Variants in SOX6 observed in about 807,000 individuals in gnomAD.
SOX6 encodes SRY-box transcription factor 6.
A neutral mutation model predicts 97.8 loss-of-function variants in SOX6; 11 were observed. That is an observed-to-expected ratio of 0.11 (90% confidence interval 0.07 to 0.19). The LOEUF (loss-of-function observed/expected upper bound fraction) is 0.19. Ranked by LOEUF, SOX6 falls within the 10% of genes least tolerant of loss-of-function variation. The probability of loss-of-function intolerance (pLI) is 1.00; values close to 1 mark genes in which losing one functional copy is unlikely to be tolerated. For missense variants in SOX6, 810 were observed against 1,039.5 expected (o/e 0.78, Z 3.04); for synonymous variants, 360 against 371.4 (o/e 0.97, Z 0.35).
intron 3 of SOX6, among the ~76,000 whole-genome samples, chr11:16,310,269 C>T (rs1855560361): frequency 6.6e-6 from 1 of 151,776 alleles, no homozygotes; most frequent in Non-Finnish European, 1.5e-5. Context: ...AGAATTCTGG[C>T]TCATTTTAAG....
chr11:16,630,839 CCTTT>C (rs1250798949), intron 3 of SOX6, among the ~76,000 whole-genome samples: 3 of 152,026 alleles, frequency 2.0e-5, no homozygotes, highest in Non-Finnish European at 2.9e-5. Context: ...TTATATAATG[CCTTT>C]CTTTGTCTTT....
chr11:16,533,305 G>A (rs1198110618), intron 4 of SOX6, among the ~76,000 whole-genome samples: 2 of 151,564 alleles, frequency 1.3e-5, no homozygotes, highest in Non-Finnish European at 3.0e-5. Flanking sequence ...TATGAAGCTG[G>A]GTAAGATGAT....
At chr11:16,600,616 C>T (rs1848257243) in intron 4 of SOX6, among the ~76,000 whole-genome samples, 1 of 152,130 alleles carries the variant, frequency 6.6e-6, no homozygotes, top group Admixed American at 6.5e-5. Flanking sequence ...TCTATCCAAA[C>T]TATTACAATG....
chr11:16,056,405 T>A (rs1847816110), intron 9 of SOX6, among the ~76,000 whole-genome samples: 1 of 152,180 alleles, frequency 6.6e-6, no homozygotes, highest in Admixed American at 6.6e-5. Flanking sequence ...TAATGAGTGC[T>A]GTTCCCAAGG....
chr11:16,211,727 T>C (rs2134143002), intron 4 of SOX6, among the ~76,000 whole-genome samples: 1 of 152,292 alleles, frequency 6.6e-6, no homozygotes, highest in East Asian at 1.9e-4. Flanking sequence ...TTCTCCACAG[T>C]GTCTCACATT....
intron 4 of SOX6, among the ~76,000 whole-genome samples, chr11:16,557,027 C>T (rs553977340): frequency 6.6e-6 from 1 of 151,740 alleles, no homozygotes; most frequent in Admixed American, 6.6e-5. Flanking sequence ...AAGCCCAAGA[C>T]TTCTGATGGT....
At chr11:16,701,698 T>C (rs575247572) in intron 3 of SOX6, among the ~76,000 whole-genome samples, 1 of 145,280 alleles carries the variant, frequency 6.9e-6, no homozygotes, top group African/African-American at 2.5e-5. Flanking sequence ...CCACTAAAAA[T>C]ACAAAAAATT....
chr11:16,536,498 G>A (rs925753084), intron 4 of SOX6, among the ~76,000 whole-genome samples: 2 of 152,170 alleles, frequency 1.3e-5, no homozygotes, highest in Non-Finnish European at 2.9e-5. Flanking sequence ...GAAGGGCGGG[G>A]CATCGCCTCA....
chr11:16,347,420 A>C (rs1010545744), intron 1 of SOX6, among the ~76,000 whole-genome samples: 3 of 152,134 alleles, frequency 2.0e-5, no homozygotes, highest in Non-Finnish European at 2.9e-5. Flanking sequence ...AAAACCTAAC[A>C]ATGGCTACTA....
At chr11:16,723,711 G>C (rs1564877986) in intron 2 of SOX6, among the ~76,000 whole-genome samples, 1 of 152,058 alleles carries the variant, frequency 6.6e-6, no homozygotes. Flanking sequence ...TTGAACCTGG[G>C]AGGCAGAAGT....
chr11:16,639,529 G>C (rs1848857542), intron 3 of SOX6, among the ~76,000 whole-genome samples: 1 of 152,152 alleles, frequency 6.6e-6, no homozygotes, highest in African/African-American at 2.4e-5. Flanking sequence ...TCACGATATT[G>C]ATTCTTCCTA....
chr11:16,342,362 G>A (rs1856664634), intron 1 of SOX6, among the ~76,000 whole-genome samples: 1 of 151,834 alleles, frequency 6.6e-6, no homozygotes, highest in Non-Finnish European at 1.5e-5. Flanking sequence ...CTCTAAAACT[G>A]CTGTGTAATG....
chr11:16,319,945 T>C (rs1023324070), intron 2 of SOX6, among the ~76,000 whole-genome samples: 1 of 152,108 alleles, frequency 6.6e-6, no homozygotes, highest in Non-Finnish European at 1.5e-5. Context: ...TGTGCAGGAA[T>C]TACTTCATAG....
intron 1 of SOX6, among the ~76,000 whole-genome samples, chr11:16,368,146 T>C (rs1309142526): frequency 6.6e-6 from 1 of 152,110 alleles, no homozygotes; most frequent in East Asian, 1.9e-4. Flanking sequence ...CCCATTATGT[T>C]TTGCAAATTA....
At chr11:16,455,512 G>A (rs1426495319) in intron 1 of SOX6, among the ~76,000 whole-genome samples, 1 of 152,012 alleles carries the variant, frequency 6.6e-6, no homozygotes, top group Non-Finnish European at 1.5e-5. Flanking sequence ...GAAAGGGGCT[G>A]GGCTAGAGAA....
At chr11:16,032,574 T>C (rs774769067) in intron 12 of SOX6, among the ~76,000 whole-genome samples, 1 of 152,074 alleles carries the variant, frequency 6.6e-6, no homozygotes, top group Non-Finnish European at 1.5e-5. Flanking sequence ...TGTGGAGAAA[T>C]ACACTCCATT....
chr11:16,724,359 A>G (rs886546868), intron 2 of SOX6, among the ~76,000 whole-genome samples: 7 of 152,228 alleles, frequency 4.6e-5, no homozygotes, highest in African/African-American at 1.4e-4. Context: ...ACAGGATAAT[A>G]ATAGTATGTA....
At chr11:16,296,077 T>C (rs978872254) in intron 3 of SOX6, among the ~76,000 whole-genome samples, 2 of 152,164 alleles carry the variant, frequency 1.3e-5, no homozygotes, top group African/African-American at 4.8e-5. Context: ...CAGAACTTTA[T>C]ATCTGATTGA....
intron 2 of SOX6, among the ~76,000 whole-genome samples, chr11:16,722,329 T>C (rs1485619503): frequency 6.6e-6 from 1 of 152,026 alleles, no homozygotes; most frequent in African/African-American, 2.4e-5. Flanking sequence ...TAAACAAATT[T>C]ACAAGAGAGA....
Sources: allele counts gnomAD v4.1 joint callset (sites outside exome capture counted in the v4.1 genomes callset), GRCh38; gene constraint gnomAD v4.1.1; transcripts MANE v1.5; gene names NCBI Gene and HGNC (gene_info 2026-07-23, HGNC 2026-07-21).